Variants in EFR3A observed in about 807,000 individuals in gnomAD.
EFR3A encodes the protein EFR3 homolog A.
EFR3A carries 76 observed loss-of-function variants against 104.4 expected under a neutral mutation model. The observed-to-expected ratio is 0.73, with a 90% CI of 0.60 to 0.88. The LOEUF (loss-of-function observed/expected upper bound fraction) is 0.88, where lower values mean the gene tolerates loss of function less well. Among genes scored for constraint, EFR3A ranks in the 40% least tolerant of loss-of-function variants. EFR3A has a pLI of 0.00. For synonymous variants in EFR3A, 330 were observed against 330.0 expected (o/e 1.00, Z 0.00); for missense variants, 985 against 1,012.5 (o/e 0.97, Z 0.37).
At position 131,988,873 on chromosome 8, in the gene EFR3A, T is replaced by A. The variant is rs1056256405; in HGVS notation, c.2065+1171T>A. Among the ~76,000 whole-genome samples the A allele has an allele frequency of 2.0e-5, 3 of 152,110 alleles. No individual in the cohort carries two copies. In the South Asian group the frequency reaches 6.2e-4, roughly 32 times the overall value. ...TCTATAATTAGTTTAATTATTATTT[T>A]CCTTTATCTTCCTTATAGCCCTAGT... On this transcript the variant is annotated intron_variant, in intron 18 of 22. Coordinates refer to ENST00000254624, the MANE Select transcript of EFR3A (RefSeq NM_015137.6).
rs568342672 is a variant in EFR3A at position 131,958,279 on chromosome 8, C to T, written c.777-1306C>T. 1.8e-3 allele frequency among the ~76,000 whole-genome samples: 281 copies of T among 152,218 alleles called. 2 individuals carry two copies. Among genetic ancestry groups the T allele is most frequent in the African/African-American group, 6.6e-3 (272 of 41,522 alleles). ...TTAGCATTAAAGATTTATTTTATATCTTCTGAGAGTGAAGATGGAAGAATT... is the reference window on the plus strand; with the variant it reads ...TTAGCATTAAAGATTTATTTTATATTTTCTGAGAGTGAAGATGGAAGAATT... On this transcript the variant is annotated intron_variant, in intron 7 of 22. Transcript: ENST00000254624.
intron 4 of EFR3A, among the ~76,000 whole-genome samples, chr8:131,947,161 C>G (rs1161856925): frequency 6.6e-6 from 1 of 151,990 alleles, no homozygotes; most frequent in African/African-American, 2.4e-5. Context: ...TGTTGTTTCT[C>G]CACATCCTCA....
chr8:132,007,661 C>G (rs1175629903), intron 22 of EFR3A, among the ~76,000 whole-genome samples: 1 of 151,814 alleles, frequency 6.6e-6, no homozygotes, highest in Admixed American at 6.6e-5. Context: ...AGTAGCTAAA[C>G]AGTTTTGAAA....
chr8:131,923,629 T>C (rs1817161374), intron 1 of EFR3A, among the ~76,000 whole-genome samples: 1 of 151,946 alleles, frequency 6.6e-6, no homozygotes, highest in Non-Finnish European at 1.5e-5. Flanking sequence ...GTATAAAGTG[T>C]TTTATTTACC....
chr8:131,992,838 A>G (rs1821263366), intron 18 of EFR3A, among the ~76,000 whole-genome samples: 1 of 152,092 alleles, frequency 6.6e-6, no homozygotes, highest in Non-Finnish European at 1.5e-5. Context: ...CTGATGAGAG[A>G]GCCTAGAATG....
At chr8:131,975,410 C>CTTTTTTTTTTTTTTTTTTTTTTT (rs760100564) in intron 10 of EFR3A, among the ~76,000 whole-genome samples, 2 of 102,184 alleles carry the variant, frequency 2.0e-5, no homozygotes, top group African/African-American at 3.5e-5. Context: ...TTTTTTTTTC[C>CTTTTTTTTTTTTTTTTTTTTTTT]TATTTTTTTT....
intron 1 of EFR3A, among the ~76,000 whole-genome samples, chr8:131,937,557 A>T (rs117366919): frequency 0.022 from 3,370 of 152,252 alleles, 70 homozygotes; most frequent in Non-Finnish European, 0.036. Context: ...CACATGCTGT[A>T]GGAGGAGAAT....
intron 1 of EFR3A, among the ~76,000 whole-genome samples, chr8:131,927,379 A>G (rs771858890): frequency 6.6e-6 from 1 of 152,152 alleles, no homozygotes; most frequent in Non-Finnish European, 1.5e-5. Context: ...TTATTAAGCA[A>G]AAGTACTAAA....
At chr8:131,960,616 A>G (rs189614455) in intron 8 of EFR3A, among the ~76,000 whole-genome samples, 40 of 152,316 alleles carry the variant, frequency 2.6e-4, no homozygotes, top group African/African-American at 8.7e-4. Flanking sequence ...ACCATTTACC[A>G]TAAAATTGGT....
Position 132,011,246 on chromosome 8 carries a change from A to G in EFR3A, c.*351A>G. 2.0e-6 allele frequency: 2 copies of G among 994,726 alleles called. No individual in the cohort carries two copies. The highest frequency in any genetic ancestry group is 2.4e-6 in the Non-Finnish European group (2 of 835,608). 61.6% of individuals were successfully genotyped at this position (994,726 alleles called of 1,614,324 possible). The stretch of plus-strand genomic sequence containing the variant: ...GCCTTCAGAGGATTGAAACTGTATA[A>G]ATTGTTTATCTCTTAAACATCTACA... On this transcript the variant is annotated 3_prime_UTR_variant, in exon 23 of 23. Coordinates refer to ENST00000254624, the MANE Select transcript of EFR3A (RefSeq NM_015137.6).
chr8:131,906,899 A>C (rs1329939783), intron 1 of EFR3A, among the ~76,000 whole-genome samples: 1 of 152,174 alleles, frequency 6.6e-6, no homozygotes, highest in East Asian at 1.9e-4. Context: ...AGGACCATTA[A>C]GAAGCGTTTT....
chr8:131,992,661 A>G (rs867016346), intron 18 of EFR3A, among the ~76,000 whole-genome samples: 1 of 152,214 alleles, frequency 6.6e-6, no homozygotes, highest in Non-Finnish European at 1.5e-5. Flanking sequence ...TGATGTTCAG[A>G]TAGGCCTTGA....
At chr8:131,959,443 T>C in intron 7 of EFR3A, 142 bp from the exon 8 acceptor site, 1 of 634,778 alleles carries the variant, frequency 1.6e-6, no homozygotes, top group Non-Finnish European at 2.7e-6. Context: ...TTTCATGAAG[T>C]TCATTACTTA....
chr8:131,955,412 T>A (rs774929878), intron 6 of EFR3A, among the ~76,000 whole-genome samples: 1 of 152,118 alleles, frequency 6.6e-6, no homozygotes, highest in Non-Finnish European at 1.5e-5. Flanking sequence ...CCATTTACAG[T>A]TAAATTAAGG....
chr8:132,007,061 A>G (rs1217160241), intron 22 of EFR3A, among the ~76,000 whole-genome samples: 2 of 152,104 alleles, frequency 1.3e-5, no homozygotes, highest in Non-Finnish European at 1.5e-5. Context: ...TATAATGGTG[A>G]AAGTCTGATG....
At chr8:131,954,672 TA>T (rs1326474263) in intron 6 of EFR3A, among the ~76,000 whole-genome samples, 1 of 149,866 alleles carries the variant, frequency 6.7e-6, no homozygotes, top group Admixed American at 6.7e-5. Context: ...ATATTTAATA[TA>T]AATAATAAAT....
intron 1 of EFR3A, among the ~76,000 whole-genome samples, chr8:131,932,228 G>A (rs1053511499): frequency 3.3e-5 from 5 of 151,910 alleles, no homozygotes; most frequent in Non-Finnish European, 5.9e-5. Flanking sequence ...TTTCTGTTTT[G>A]TATGTGGAAT....
At chr8:131,946,340 A>T in intron 3 of EFR3A, 143 bp from the exon 4 acceptor site, 1 of 680,162 alleles carries the variant, frequency 1.5e-6, no homozygotes, top group Non-Finnish European at 2.2e-6. Context: ...TGTGAGAATT[A>T]AGATTTTACT....
chr8:132,003,501 G>A (rs1821891208), intron 22 of EFR3A, among the ~76,000 whole-genome samples: 1 of 152,070 alleles, frequency 6.6e-6, no homozygotes, highest in South Asian at 2.1e-4. Context: ...TTGTCCTCTA[G>A]CTTTTTAGCT....
Sources: gnomAD v4.1 joint callset for allele counts (sites outside exome capture counted in the v4.1 genomes callset) on GRCh38, gnomAD v4.1.1 for gene constraint, MANE v1.5 for transcripts, NCBI Gene and HGNC (gene_info 2026-07-23, HGNC 2026-07-21) for gene names.